The following CEP72 variants were observed in gnomAD, a reference collection of about 807,000 sequenced individuals.
CEP72 encodes the protein centrosomal protein 72.
A neutral mutation model predicts 65.7 loss-of-function variants in CEP72; 78 were observed. The ratio of observed to expected loss-of-function variants is 1.19; its 90% CI spans 0.99 to 1.43. The LOEUF (loss-of-function observed/expected upper bound fraction) is 1.43. Ranked by LOEUF, CEP72 falls within the 40% of genes most tolerant of loss-of-function variation. The probability of loss-of-function intolerance (pLI) is 0.00; values close to 1 mark genes in which losing one functional copy is unlikely to be tolerated. For missense variants in CEP72, 914 were observed against 832.9 expected, an observed-to-expected ratio of 1.10 and a Z score of -1.20; for synonymous variants, 358 against 351.7, an observed-to-expected ratio of 1.02 and a Z score of -0.20.
At chr5:649,124 G>A (rs1392355230) in intron 11 of CEP72, among the ~76,000 whole-genome samples, 5 of 129,162 alleles carry the variant, frequency 3.9e-5, no homozygotes, top group African/African-American at 1.1e-4. Context: ...AGGTGTGAAT[G>A]TGAGGCGTGA....
chr5:670,152 C>G (rs1740161153), downstream of CEP72, among the ~76,000 whole-genome samples: 1 of 152,198 alleles, frequency 6.6e-6, no homozygotes, highest in African/African-American at 2.4e-5. Flanking sequence ...AGGAGCTGGG[C>G]TCAGGCCAGG....
In CEP72 at chr5:645,028, CCTT is replaced by C. The variant is rs540445021; in HGVS notation, c.1666+606_1666+608del. Among the ~76,000 whole-genome samples the C allele has an allele frequency of 3.3e-3, 495 of 152,246 alleles. 2 individuals carry two copies. The highest frequency in any genetic ancestry group is 6.6e-3 in the South Asian group (32 of 4,814). ...TGATGGAGTCTGCTGTCCACGGTAA[CCTT>C]CTCGGTGTGGCGTGGAGTCTCTTGG... On this transcript the variant is annotated intron_variant, in intron 10 of 11. Transcript: ENST00000264935. This position sits in a 1 kb window ranked among gnomAD's most constrained non-coding sequence, Gnocchi z 4.0.
chr5:642,349 C>T (rs1243421240), intron 9 of CEP72: 3 of 985,036 alleles, frequency 3.0e-6, no homozygotes, highest in African/African-American at 3.5e-5. Flanking sequence ...GCACACATGG[C>T]CCCTTCTCTG....
chr5:673,703 G>A, the CEP72 span, among the ~76,000 whole-genome samples: 1 of 152,156 alleles, frequency 6.6e-6, no homozygotes, highest in Non-Finnish European at 1.5e-5. Flanking sequence ...CCCAAGGCTG[G>A]TCCCCGGCCC....
intron 4 of CEP72, among the ~76,000 whole-genome samples, chr5:629,930 C>T (rs1466114692): frequency 1.5e-5 from 1 of 66,478 alleles, no homozygotes; most frequent in Non-Finnish European, 2.6e-5. Flanking sequence ...CGGGATTTGA[C>T]CCAGTCCTGG....
intron 11 of CEP72, among the ~76,000 whole-genome samples, chr5:649,104 G>T (rs1451697479): frequency 6.9e-6 from 1 of 144,304 alleles, no homozygotes. Context: ...ACTGTGAGGT[G>T]TGGACTGTGA....
At chr5:661,948 AGT>A (rs1739630330), downstream of CEP72, 1 of 152,328 alleles carries the variant, frequency 6.6e-6, no homozygotes, top group Admixed American at 6.5e-5. Context: ...CAACCCTGGA[AGT>A]GTGGAGGGAG....
rs1332821700 is a variant in CEP72 at position 635,379 on chromosome 5, A to C, written c.699A>C (p.Arg233Ser). The C allele has an allele frequency of 6.2e-7, 1 of 1,603,448 alleles. No homozygotes were observed. The highest frequency in any genetic ancestry group is 8.5e-7 in the Non-Finnish European group (1 of 1,171,662). ...TTTACAATATTTTAATAGAATCCAGACATCTGTTGAGCCCGCAGTTGGTAC... is the reference window on the plus strand; with the variant it reads ...TTTACAATATTTTAATAGAATCCAGCCATCTGTTGAGCCCGCAGTTGGTAC... ...EADSRGSQES[R>S]HLLSPQLVQY... Residue 233 changes from arginine (R) to serine (S), a missense_variant, in exon 6 of 12, where the codon AGA becomes AGC. Physicochemically the swap from Arg to Ser is moderately radical, Grantham distance 110. Transcript: ENST00000264935.
At chr5:647,702 C>T in intron 10 of CEP72, 103 bp from the exon 11 acceptor site, 1 of 774,888 alleles carries the variant, frequency 1.3e-6, no homozygotes, top group Admixed American at 2.5e-5. Flanking sequence ...TATTCTTTTT[C>T]TGGTAACCAA....
At chr5:674,548 ACT>A in the CEP72 span, among the ~76,000 whole-genome samples, 1 of 152,072 alleles carries the variant, frequency 6.6e-6, no homozygotes, top group African/African-American at 2.4e-5. Flanking sequence ...GGACAAGGGC[ACT>A]GTCTGTGCCA....
chr5:654,803 C>G (rs983354324), downstream of CEP72, among the ~76,000 whole-genome samples: 3 of 131,868 alleles, frequency 2.3e-5, no homozygotes, highest in Non-Finnish European at 5.4e-5. Context: ...GCAGCCACTA[C>G]TCATATTTCT....
chr5:633,143 T>G (rs867384795), intron 4 of CEP72, among the ~76,000 whole-genome samples: 13 of 79,472 alleles, frequency 1.6e-4, no homozygotes, highest in African/African-American at 1.6e-4. Context: ...CTGGTGGGGT[T>G]CTGTCCAGTG....
At chr5:628,429 A>AGTGTTCCCAGGACCCAGCGCCCTTCT in intron 4 of CEP72, among the ~76,000 whole-genome samples, 1 of 147,954 alleles carries the variant, frequency 6.8e-6, no homozygotes, top group African/African-American at 2.5e-5. Context: ...GGCCCCGGGG[A>AGTGTTCCCAGGACCCAGCGCCCTTCT]TTGGCCCCAG....
chr5:645,092 C>T lies in CEP72; in HGVS notation c.1666+667C>T, dbSNP rs530334218. On this transcript the variant is annotated intron_variant, in intron 10 of 11. Transcript: ENST00000264935. This position sits in a 1 kb window ranked among gnomAD's most constrained non-coding sequence, Gnocchi z 4.0. ...TCATACTTCCCTGAGATTGACAAGT[C>T]GAGCATCTCTTCCTGGTCTAGCCTC... 2.8e-4 allele frequency among the ~76,000 whole-genome samples: 43 copies of T among 152,190 alleles called. 1 individual carries two copies. The highest frequency in any genetic ancestry group is 1.6e-3 in the Admixed American group (24 of 15,304).
rs775340730 is a variant in CEP72 at position 633,952 on chromosome 5, G to C, written c.691+5G>C. ...CCGACTCTCGTGGTTCCCAAGGTGC[G>C]CTGCTCATCTGCCAGGAGGCCAGTG... On this transcript the variant is annotated splice_donor_5th_base_variant and intron_variant, in intron 5 of 11. Transcript: ENST00000264935. 6.2e-7 allele frequency: 1 copy of C among 1,610,198 alleles called. No homozygotes were observed. Among genetic ancestry groups the C allele is most frequent in the East Asian group, 2.2e-5 (1 of 44,870 alleles).
the CEP72 span, among the ~76,000 whole-genome samples, chr5:673,979 G>A: frequency 6.6e-6 from 1 of 152,240 alleles, no homozygotes; most frequent in African/African-American, 2.4e-5. Context: ...ATGCACACAT[G>A]CGCCATAGTT....
At chr5:648,118 C>T (rs1020477355) in intron 11 of CEP72, among the ~76,000 whole-genome samples, 3 of 152,230 alleles carry the variant, frequency 2.0e-5, no homozygotes, top group African/African-American at 4.8e-5. Context: ...TGCTGTCTGT[C>T]GCATGTGTGA....
chr5:639,254 TG>T, intron 8 of CEP72, 30 bp downstream of exon 8: 1 of 1,531,960 alleles, frequency 6.5e-7, no homozygotes, highest in Middle Eastern at 1.8e-4. Flanking sequence ...GCTCTTGCCC[TG>T]TAGGCAGCGT....
At chr5:665,890 C>T in intron 3 of CEP72, 1 of 862,588 alleles carries the variant, frequency 1.2e-6, no homozygotes, top group Non-Finnish European at 1.5e-6. Context: ...TCCTGACCAC[C>T]CCTCCCCCAG....
Sources: gnomAD v4.1 joint callset for allele counts (sites outside exome capture counted in the v4.1 genomes callset) on GRCh38, gnomAD v4.1.1 for gene constraint, Gnocchi (gnomAD v3.1) non-coding constraint, MANE v1.5 for transcripts, NCBI Gene and HGNC (gene_info 2026-07-23, HGNC 2026-07-21) for gene names.